Variants in MAPT observed in about 807,000 individuals in gnomAD.
The protein encoded by MAPT is microtubule associated protein tau.
MAPT carries 34 observed loss-of-function variants against 67.9 expected under a neutral mutation model. That is an observed-to-expected ratio of 0.50 (90% confidence interval 0.38 to 0.67). MAPT has a LOEUF of 0.67. Ranked by LOEUF, MAPT falls within the 30% of genes least tolerant of loss-of-function variation. The pLI, the probability that MAPT is intolerant of heterozygous loss-of-function variation, is 0.00. For synonymous variants in MAPT, 456 were observed against 464.5 expected (o/e 0.98, Z 0.23); for missense variants, 881 against 1,115.2 (o/e 0.79, Z 2.99).
intron 9 of MAPT, among the ~76,000 whole-genome samples, chr17:46,008,847 G>A (rs185231498): frequency 6.6e-6 from 1 of 152,258 alleles, no homozygotes; most frequent in Non-Finnish European, 1.5e-5. Flanking sequence ...GCCTGGGCAC[G>A]GCTGGTCCTT....
At chr17:45,998,107 C>T (rs1303997142) in intron 9 of MAPT, among the ~76,000 whole-genome samples, 3 of 152,110 alleles carry the variant, frequency 2.0e-5, no homozygotes, top group Non-Finnish European at 4.4e-5. Context: ...CCTGGGCCTG[C>T]GTGTCAGCTT....
At chr17:45,905,691 T>C (rs770750012) in intron 1 of MAPT, among the ~76,000 whole-genome samples, 1 of 152,212 alleles carries the variant, frequency 6.6e-6, no homozygotes, top group Non-Finnish European at 1.5e-5. Context: ...ATTTGTCAAC[T>C]AAGAGATTTT....
At chr17:46,014,623 C>CCAG (rs1193582306) in intron 11 of MAPT, among the ~76,000 whole-genome samples, 2 of 152,130 alleles carry the variant, frequency 1.3e-5, no homozygotes, top group Non-Finnish European at 2.9e-5. Context: ...GCCTGTAATT[C>CCAG]CAGCACTTTG....
chr17:45,953,948 T>A (rs1210566216), intron 1 of MAPT, among the ~76,000 whole-genome samples: 1 of 152,144 alleles, frequency 6.6e-6, no homozygotes, highest in Non-Finnish European at 1.5e-5. Flanking sequence ...AACTCCACAC[T>A]GAGAATATAG....
chr17:46,003,675 C>T (rs1246444612), intron 9 of MAPT, among the ~76,000 whole-genome samples: 3 of 152,140 alleles, frequency 2.0e-5, no homozygotes, highest in Admixed American at 6.5e-5. Flanking sequence ...TGAATTTGTA[C>T]GTGGAATCGT....
chr17:46,016,733 T>G (rs147773121), intron 11 of MAPT, among the ~76,000 whole-genome samples: 3 of 152,304 alleles, frequency 2.0e-5, no homozygotes, highest in African/African-American at 7.2e-5. Context: ...ATCGCGCCAC[T>G]GCATACCAGC....
At chr17:46,023,838 C>T (rs2076677697) in intron 12 of MAPT, 118 bp from the exon 13 acceptor site, 2 of 836,408 alleles carry the variant, frequency 2.4e-6, no homozygotes, top group Non-Finnish European at 4.0e-6. Context: ...AAGACCCTGT[C>T]TCAAAAACAA....
chr17:45,938,562 T>C (rs960936182), intron 1 of MAPT, among the ~76,000 whole-genome samples: 3 of 152,196 alleles, frequency 2.0e-5, no homozygotes, highest in Admixed American at 2.0e-4. Flanking sequence ...CCATGTACAG[T>C]GACATATTCA....
rs1338545492 is a variant in MAPT, at chr17:45,927,155, T to C, written c.-18+32469T>C. Reference sequence around the variant, plus strand: ...CAACTTTTCTTAAGTTTGAAAATTTTCAAAACAAAAAATTGGAGGAAGAAG... The same window carrying C: ...CAACTTTTCTTAAGTTTGAAAATTTCCAAAACAAAAAATTGGAGGAAGAAG... On this transcript the variant is annotated intron_variant, in intron 1 of 12. Coordinates refer to ENST00000262410, the MANE Select transcript of MAPT (RefSeq NM_001377265.1). 2.6e-5 allele frequency among the ~76,000 whole-genome samples: 4 copies of C among 152,236 alleles called. No individual in the cohort carries two copies. In the East Asian group the frequency reaches 5.8e-4, roughly 22 times the overall value.
chr17:45,903,402 GACT>G (rs922809661), intron 1 of MAPT, among the ~76,000 whole-genome samples: 1 of 151,918 alleles, frequency 6.6e-6, no homozygotes, highest in African/African-American at 2.4e-5. Context: ...CCCAAAAAGA[GACT>G]TCTTGGGTAA....
At position 45,944,502 on chromosome 17, in the gene MAPT, G is replaced by A. The variant is rs958659135; in HGVS notation, c.-17-17819G>A. ...TGGGGATAGATGCGCAAGTGGCATC[G>A]CCACATCGTGAGTCCTGGCTTCATG... On this transcript the variant is annotated intron_variant, in intron 1 of 12. Coordinates refer to ENST00000262410, the MANE Select transcript of MAPT (RefSeq NM_001377265.1). 5.3e-5 allele frequency among the ~76,000 whole-genome samples: 8 copies of A among 152,200 alleles called. No individual in the cohort carries two copies. The East Asian group carries it at 7.7e-4, about 15-fold the overall frequency.
chr17:45,983,924 C>T lies in MAPT; in HGVS notation c.1345C>T (p.Leu449Phe). 1.3e-6 allele frequency: 2 copies of T among 1,563,896 alleles called. No homozygotes were observed. Among genetic ancestry groups the T allele is most frequent in the South Asian group, 2.4e-5 (2 of 82,890 alleles). The change falls in exon 5 of 13, where the codon CTC becomes TTC. Residue 449 changes from leucine to phenylalanine, a missense_variant. Physicochemically the swap from Leu to Phe is conservative, Grantham distance 22. Coordinates refer to ENST00000262410, the MANE Select transcript of MAPT (RefSeq NM_001377265.1). The part of the protein sequence containing the change: ...RGKPVSRVPQ[L>F]KARMVSKSKD... ...GAAGCCCGTCAGCCGGGTCCCTCAA[C>T]TCAAAGGTCTGTGTCTTGAGCTTCT...
intron 12 of MAPT, among the ~76,000 whole-genome samples, chr17:46,023,251 G>A (rs1010770336): frequency 6.6e-6 from 1 of 152,194 alleles, no homozygotes; most frequent in Non-Finnish European, 1.5e-5. Context: ...TGTTCATACG[G>A]GTTTATTTAT....
intron 9 of MAPT, among the ~76,000 whole-genome samples, chr17:46,001,237 A>G (rs759337573): frequency 7.2e-5 from 11 of 152,180 alleles, no homozygotes; most frequent in Non-Finnish European, 1.3e-4. Context: ...GTAAAGTAAA[A>G]TGAATCCTGT....
At chr17:45,941,624 CTCCTT>C (rs1461372792) in intron 1 of MAPT, among the ~76,000 whole-genome samples, 1 of 114,654 alleles carries the variant, frequency 8.7e-6, no homozygotes, top group Non-Finnish European at 1.8e-5. Flanking sequence ...CCCCCCTTCC[CTCCTT>C]CCCTCTTTCC....
At chr17:45,981,695 G>A (rs2072966419) in intron 4 of MAPT, among the ~76,000 whole-genome samples, 1 of 152,116 alleles carries the variant, frequency 6.6e-6, no homozygotes, top group South Asian at 2.1e-4. Context: ...GGCTTGAGGC[G>A]GGGTTTGTGG....
At chr17:45,909,810 C>T (rs2064619579) in intron 1 of MAPT, among the ~76,000 whole-genome samples, 1 of 139,486 alleles carries the variant, frequency 7.2e-6, no homozygotes, top group Non-Finnish European at 1.5e-5. Context: ...GAGGTGGTTG[C>T]AGTGAGCTGA....
Position 45,951,554 on chromosome 17 carries a change from A to G in MAPT, c.-17-10767A>G, listed in dbSNP as rs115586044. Among the ~76,000 whole-genome samples the G allele has an allele frequency of 3.8e-3, 583 of 151,680 alleles. 3 individuals carry two copies. The highest frequency in any genetic ancestry group is 0.013 in the African/African-American group (552 of 41,304). ...CTCTCTCTCTCTCAACCCTGCAGAC[A>G]CTTTTCCCTTTCTTTGTCTGCCCCC... On this transcript the variant is annotated intron_variant, in intron 1 of 12. Coordinates refer to ENST00000262410, the MANE Select transcript of MAPT (RefSeq NM_001377265.1).
In MAPT at chr17:45,898,954, C is replaced by A. The variant is rs2063450120; in HGVS notation, c.-18+4268C>A. Among the ~76,000 whole-genome samples, 13 of 152,300 alleles carry A rather than the reference C, an allele frequency of 8.5e-5. No homozygotes were observed. In the South Asian group the frequency reaches 2.7e-3, roughly 32 times the overall value. On this transcript the variant is annotated intron_variant, in intron 1 of 12. Transcript: ENST00000262410. ...TTCAGAGACCCCCAAAGCCCCCTCACACTCCCAGAAACACCCCCCTGGCCA... is the reference window on the plus strand; with the variant it reads ...TTCAGAGACCCCCAAAGCCCCCTCAAACTCCCAGAAACACCCCCCTGGCCA...
Sources: allele counts gnomAD v4.1 joint callset (sites outside exome capture counted in the v4.1 genomes callset), GRCh38; gene constraint gnomAD v4.1.1; transcripts MANE v1.5; gene names NCBI Gene and HGNC (gene_info 2026-07-23, HGNC 2026-07-21).